Variants in LRMDA observed in about 807,000 individuals in gnomAD.
LRMDA encodes the protein leucine-rich melanocyte differentiation-associated protein.
LRMDA carries 18 observed loss-of-function variants against 29.8 expected under a neutral mutation model. The ratio of observed to expected loss-of-function variants is 0.60; its 90% CI spans 0.42 to 0.90. The LOEUF (loss-of-function observed/expected upper bound fraction) is 0.90. Ranked by LOEUF, LRMDA falls within the 40% of genes least tolerant of loss-of-function variation. LRMDA has a pLI of 0.00. For missense variants in LRMDA, 273 were observed against 273.9 expected, an observed-to-expected ratio of 1.00 and a Z score of 0.02; for synonymous variants, 125 against 109.4, an observed-to-expected ratio of 1.14 and a Z score of -0.89.
At chr10:75,610,907 CTTTT>C (rs1353008464) in intron 2 of LRMDA, among the ~76,000 whole-genome samples, 1 of 152,106 alleles carries the variant, frequency 6.6e-6, no homozygotes, top group Non-Finnish European at 1.5e-5. Context: ...GTAAATTTTT[CTTTT>C]TCCTGAGTTG....
chr10:76,364,938 G>C (rs960320281), intron 6 of LRMDA, among the ~76,000 whole-genome samples: 3 of 151,396 alleles, frequency 2.0e-5, no homozygotes, highest in African/African-American at 7.3e-5. Context: ...ATATCAGTGA[G>C]AACATACAAT....
chr10:75,692,208 G>GGGA (rs1196978316), intron 2 of LRMDA, among the ~76,000 whole-genome samples: 1 of 61,108 alleles, frequency 1.6e-5, no homozygotes, highest in Non-Finnish European at 2.9e-5. Flanking sequence ...TCTCTGGGGG[G>GGGA]AAAAAAAAAA....
chr10:75,768,423 T>G (rs1027987098), intron 2 of LRMDA, among the ~76,000 whole-genome samples: 3 of 152,210 alleles, frequency 2.0e-5, no homozygotes, highest in Non-Finnish European at 4.4e-5. Flanking sequence ...AAGGGAACTT[T>G]CAGGTTATAA....
chr10:75,902,301 G>A (rs149228127), intron 2 of LRMDA, among the ~76,000 whole-genome samples: 67 of 152,228 alleles, frequency 4.4e-4, no homozygotes, highest in African/African-American at 1.4e-3. Context: ...TTTGGGTTCC[G>A]GGTAATCATA....
intron 2 of LRMDA, among the ~76,000 whole-genome samples, chr10:75,509,353 A>G (rs1056397862): frequency 2.6e-5 from 4 of 152,252 alleles, no homozygotes; most frequent in African/African-American, 7.2e-5. Context: ...TATTAAATTC[A>G]AAACTCATAT....
At chr10:75,588,695 GAA>G (rs758993769) in intron 2 of LRMDA, among the ~76,000 whole-genome samples, 1 of 152,134 alleles carries the variant, frequency 6.6e-6, no homozygotes, top group African/African-American at 2.4e-5. Flanking sequence ...GAAAGATTAT[GAA>G]AAGTTTTCCT....
chr10:76,390,799 C>T (rs1841714932), intron 6 of LRMDA, among the ~76,000 whole-genome samples: 1 of 152,162 alleles, frequency 6.6e-6, no homozygotes, highest in African/African-American at 2.4e-5. Flanking sequence ...CCCCCTTCCC[C>T]TCTGATTTAC....
intron 2 of LRMDA, among the ~76,000 whole-genome samples, chr10:75,707,702 G>T (rs1162271339): frequency 6.6e-6 from 1 of 152,200 alleles, no homozygotes; most frequent in East Asian, 1.9e-4. Context: ...AAAATGGGAA[G>T]GCGGACAGGG....
At chr10:75,894,190 C>T (rs931476886) in intron 2 of LRMDA, among the ~76,000 whole-genome samples, 5 of 151,684 alleles carry the variant, frequency 3.3e-5, no homozygotes, top group Admixed American at 3.3e-4. Flanking sequence ...TCCCACTCTT[C>T]CCCCCAAGTC....
At chr10:76,448,793 T>C (rs1433826142) in intron 6 of LRMDA, among the ~76,000 whole-genome samples, 2 of 150,562 alleles carry the variant, frequency 1.3e-5, no homozygotes, top group African/African-American at 4.8e-5. Context: ...TATGACTCTT[T>C]AGGCTGATTG....
chr10:76,052,647 A>G (rs1413386754), intron 4 of LRMDA, among the ~76,000 whole-genome samples: 3 of 152,174 alleles, frequency 2.0e-5, no homozygotes, highest in Non-Finnish European at 4.4e-5. Flanking sequence ...CTTTAAGCAA[A>G]TGGAACATTC....
chr10:76,448,463 G>A (rs569814365), intron 6 of LRMDA, among the ~76,000 whole-genome samples: 2 of 152,084 alleles, frequency 1.3e-5, no homozygotes, highest in South Asian at 2.1e-4. Context: ...ATCCAAATAC[G>A]CTATTTCCAA....
chr10:75,702,866 A>T (rs1047884149), intron 2 of LRMDA, among the ~76,000 whole-genome samples: 1 of 152,142 alleles, frequency 6.6e-6, no homozygotes, highest in Non-Finnish European at 1.5e-5. Context: ...TTTTGAGGTG[A>T]TGAAAATAAA....
intron 5 of LRMDA, among the ~76,000 whole-genome samples, chr10:76,226,473 C>T (rs745913015): frequency 6.6e-6 from 1 of 152,052 alleles, no homozygotes; most frequent in Non-Finnish European, 1.5e-5. Flanking sequence ...ATCCCAGCTA[C>T]TTGGGAGGCT....
At chr10:75,722,183 A>G (rs1237055726) in intron 2 of LRMDA, among the ~76,000 whole-genome samples, 1 of 152,106 alleles carries the variant, frequency 6.6e-6, no homozygotes, top group Non-Finnish European at 1.5e-5. Context: ...AATCCATCCT[A>G]GGGCCTGCCA....
At chr10:75,875,306 G>A (rs1845176985) in intron 2 of LRMDA, among the ~76,000 whole-genome samples, 1 of 152,238 alleles carries the variant, frequency 6.6e-6, no homozygotes, top group Admixed American at 6.5e-5. Context: ...TGCTGGTTTA[G>A]TGAAGAAGAC....
intron 2 of LRMDA, among the ~76,000 whole-genome samples, chr10:75,672,225 A>C (rs1317251415): frequency 6.6e-6 from 1 of 152,096 alleles, no homozygotes; most frequent in Admixed American, 6.5e-5. Context: ...TCCAGGAAGA[A>C]TGTTTTGGCT....
intron 2 of LRMDA, among the ~76,000 whole-genome samples, chr10:75,926,475 A>T (rs1846121820): frequency 6.6e-6 from 1 of 152,228 alleles, no homozygotes. Flanking sequence ...TTTCCAGAAG[A>T]TGGAGACCTG....
At chr10:76,260,294 AT>A (rs1373697139) in intron 5 of LRMDA, among the ~76,000 whole-genome samples, 1 of 151,534 alleles carries the variant, frequency 6.6e-6, no homozygotes, top group East Asian at 1.9e-4. Flanking sequence ...TTTTATAGCC[AT>A]TTTTTGCATG....
Sources: gnomAD v4.1 joint callset for allele counts (sites outside exome capture counted in the v4.1 genomes callset) on GRCh38, gnomAD v4.1.1 for gene constraint, MANE v1.5 for transcripts, NCBI Gene and HGNC (gene_info 2026-07-23, HGNC 2026-07-21) for gene names.